Variants in ZEB2 observed in about 807,000 individuals in gnomAD.
The protein encoded by ZEB2 is zinc finger E-box binding homeobox 2.
ZEB2 carries 6 observed loss-of-function variants against 99.9 expected under a neutral mutation model. The ratio of observed to expected loss-of-function variants is 0.06; its 90% confidence interval spans 0.03 to 0.12. The LOEUF is 0.12. Among genes scored for constraint, ZEB2 ranks in the 10% least tolerant of loss-of-function variants. The pLI is 1.00. For missense variants in ZEB2, 969 were observed against 1,502.8 expected, an observed-to-expected ratio of 0.64 and a Z score of 5.87; for synonymous variants, 517 against 542.5, an observed-to-expected ratio of 0.95 and a Z score of 0.65.
intron 2 of ZEB2, among the ~76,000 whole-genome samples, chr2:144,484,152 T>A (rs970299547): frequency 7.0e-6 from 1 of 142,934 alleles, no homozygotes; most frequent in Non-Finnish European, 1.5e-5. Context: ...CACCAGATCA[T>A]CTGAGTTCTC....
intron 9 of ZEB2, among the ~76,000 whole-genome samples, chr2:144,395,891 TCTGATCTATTA>T (rs1326138368): frequency 6.6e-6 from 1 of 152,148 alleles, no homozygotes; most frequent in Non-Finnish European, 1.5e-5. Flanking sequence ...AAGTAGCTCA[TCTGATCTATTA>T]CTTTTCTTTT....
At chr2:144,499,833 ATT>A (rs1704844167) in intron 2 of ZEB2, among the ~76,000 whole-genome samples, 1 of 152,148 alleles carries the variant, frequency 6.6e-6, no homozygotes, top group African/African-American at 2.4e-5. Context: ...CCGTGTAACA[ATT>A]TTAGGCTTGC....
At chr2:144,429,467 G>C in intron 3 of ZEB2, 1 of 401,132 alleles carries the variant, frequency 2.5e-6, no homozygotes, top group Non-Finnish European at 4.7e-6. Context: ...TCTTGATCAT[G>C]TTACATAATT....
At chr2:144,466,336 G>T (rs1451711595) in intron 2 of ZEB2, among the ~76,000 whole-genome samples, 1 of 152,072 alleles carries the variant, frequency 6.6e-6, no homozygotes, top group Non-Finnish European at 1.5e-5. Flanking sequence ...AAAAGAAAAA[G>T]AAGAAAAAAG....
chr2:144,406,742 G>C (rs1392184028), intron 4 of ZEB2, among the ~76,000 whole-genome samples: 2 of 152,224 alleles, frequency 1.3e-5, no homozygotes, highest in African/African-American at 4.8e-5. Context: ...TATTAAGCAA[G>C]GAGGATGGCT....
intron 4 of ZEB2, among the ~76,000 whole-genome samples, chr2:144,415,615 A>G (rs1703529183): frequency 6.6e-6 from 1 of 152,206 alleles, no homozygotes; most frequent in Admixed American, 6.5e-5. Flanking sequence ...AACAAAGAGG[A>G]AGGGTCAACA....
In ZEB2 at chr2:144,441,388, A is replaced by G. The variant is rs1375380841; in HGVS notation, c.74-11362T>C. 2.0e-5 allele frequency among the ~76,000 whole-genome samples: 3 copies of G among 152,152 alleles called. No individual in the cohort carries two copies. In the East Asian group the frequency reaches 5.8e-4, roughly 29 times the overall value. ...CACTATTGAGTTCATCTGTGTCACA[A>G]AAGGGCTTTTGCTTTAGATCTCTAG... On this transcript the variant is annotated intron_variant, in intron 2 of 9. Transcript: ENST00000627532.
At chr2:144,480,400 T>A (rs546660294) in intron 2 of ZEB2, among the ~76,000 whole-genome samples, 1 of 152,102 alleles carries the variant, frequency 6.6e-6, no homozygotes, top group East Asian at 1.9e-4. Context: ...TTCCCAGTAG[T>A]CCCTACTAGA....
chr2:144,510,929 G>A (rs1215389317), intron 2 of ZEB2, among the ~76,000 whole-genome samples: 1 of 152,188 alleles, frequency 6.6e-6, no homozygotes. Context: ...TCATACCTAA[G>A]GCATTCAAAA....
intron 9 of ZEB2, 129 bp from the exon 10 acceptor site, chr2:144,390,157 G>A (rs199965672): frequency 1.2e-5 from 12 of 988,130 alleles, no homozygotes; most frequent in East Asian, 2.6e-5. Context: ...AACACACCCC[G>A]GTCTAATCGA....
intron 2 of ZEB2, chr2:144,513,272 C>G (rs1705072330): frequency 7.8e-7 from 1 of 1,289,454 alleles, no homozygotes; most frequent in Non-Finnish European, 1.0e-6. Flanking sequence ...CAGGGATAAC[C>G]ATTTCTGCTC....
chr2:144,513,613 G>A lies in ZEB2; in HGVS notation c.73+3665C>T, dbSNP rs555633031. 15 of 1,531,092 alleles carry A rather than the reference G, an allele frequency of 9.8e-6. 1 individual carries two copies. In the Middle Eastern group the frequency reaches 1.3e-3, roughly 138 times the overall value. The allele number at this position is 1,531,092 out of a possible 1,614,324, so 94.8% of individuals were successfully genotyped here. A position where few individuals can be genotyped will look rare whatever the true frequency, so the allele number is the denominator to read the frequency against. On this transcript the variant is annotated intron_variant, in intron 2 of 9. Transcript: ENST00000627532. ...TCAGAGGCTGATGCTGGAAGGTGGC[G>A]GGATGGGGAGGCAGACCCTCTTCCC...
rs1560601961 is a variant in ZEB2 at position 144,389,586 on chromosome 2, T to C, written c.3510A>G (p.Lys1170=). Residue 1170 remains lysine (K), a synonymous_variant, in exon 10 of 10, where the codon AAA becomes AAG. Transcript: ENST00000627532. This position sits in a 1 kb window ranked among gnomAD's most constrained non-coding sequence, Gnocchi z 6.8. ...TCGTTTCGGGATCCGTATCCATACTTTTATTTTCACTTTCTTCCTCTTCCT... is the reference window on the plus strand; with the variant it reads ...TCGTTTCGGGATCCGTATCCATACTCTTATTTTCACTTTCTTCCTCTTCCT... The part of the protein sequence containing the change: ...FEEEEEESEN[K]SMDTDPETIR... 6.2e-7 allele frequency: 1 copy of C among 1,614,132 alleles called. No homozygotes were observed. The highest frequency in any genetic ancestry group is 1.7e-5 in the Admixed American group (1 of 60,018).
chr2:144,432,001 A>G (rs1015711024), intron 2 of ZEB2, among the ~76,000 whole-genome samples: 1 of 132,444 alleles, frequency 7.6e-6, no homozygotes, highest in African/African-American at 3.5e-5. Flanking sequence ...TTATCCTGGA[A>G]AAAAAAAAAA....
chr2:144,513,620 G>T (rs1305475858), intron 2 of ZEB2: 5 of 1,531,774 alleles, frequency 3.3e-6, no homozygotes, highest in Non-Finnish European at 3.5e-6. Flanking sequence ...GGCGGGATGG[G>T]GAGGCAGACC....
At chr2:144,481,848 C>T (rs1476075004) in intron 2 of ZEB2, among the ~76,000 whole-genome samples, 1 of 152,188 alleles carries the variant, frequency 6.6e-6, no homozygotes, top group Non-Finnish European at 1.5e-5. Context: ...TATAGTGCGT[C>T]ACCCTTCAGA....
intron 3 of ZEB2, among the ~76,000 whole-genome samples, chr2:144,426,334 G>A (rs1703690235): frequency 6.6e-6 from 1 of 152,070 alleles, no homozygotes; most frequent in African/African-American, 2.4e-5. Context: ...GTCTCTGCAA[G>A]GAATCATATT....
chr2:144,404,641 T>C (rs1275182953), intron 5 of ZEB2, among the ~76,000 whole-genome samples, 195 bp downstream of exon 5: 1 of 152,226 alleles, frequency 6.6e-6, no homozygotes, highest in Non-Finnish European at 1.5e-5. Context: ...TTATTGGATG[T>C]ACAAATGACA....
At chr2:144,504,998 C>T (rs904797105) in intron 2 of ZEB2, among the ~76,000 whole-genome samples, 3 of 151,844 alleles carry the variant, frequency 2.0e-5, no homozygotes, top group African/African-American at 7.3e-5. Flanking sequence ...CTTTAAAATA[C>T]GAGCAGGGAA....
Sources: gnomAD v4.1 joint callset for allele counts (sites outside exome capture counted in the v4.1 genomes callset) on GRCh38, gnomAD v4.1.1 for gene constraint, Gnocchi (gnomAD v3.1) non-coding constraint, MANE v1.5 for transcripts, NCBI Gene and HGNC (gene_info 2026-07-23, HGNC 2026-07-21) for gene names.